DAB1: variants seen among roughly 807,000 people sequenced by gnomAD.
DAB1 encodes the protein DAB adaptor protein 1, also known as disabled homolog 1.
In DAB1, 15 loss-of-function variants were observed where a neutral mutation model predicts 64.6. That is an observed-to-expected ratio of 0.23 (90% CI 0.16 to 0.36). The LOEUF (loss-of-function observed/expected upper bound fraction) is 0.36, where lower values mean the gene tolerates loss of function less well. DAB1 is among the 10% of genes least tolerant of loss of function. The pLI, the probability that DAB1 is intolerant of heterozygous loss-of-function variation, is 1.00. For missense variants in DAB1, 596 were observed against 706.7 expected (o/e 0.84, Z 1.78); for synonymous variants, 235 against 251.9 (o/e 0.93, Z 0.64).
At chr1:57,787,169 A>G (rs1384780002) in intron 6 of DAB1, among the ~76,000 whole-genome samples, 1 of 152,226 alleles carries the variant, frequency 6.6e-6, no homozygotes. Flanking sequence ...GGCTAATTAT[A>G]AAATGTATAT....
chr1:57,056,514 A>G (rs953048546), intron 9 of DAB1, among the ~76,000 whole-genome samples: 2 of 151,144 alleles, frequency 1.3e-5, no homozygotes, highest in Non-Finnish European at 2.9e-5. Flanking sequence ...CAAAAAAAAA[A>G]AAAAAAGAAA....
At chr1:57,062,746 C>T (rs1650525198) in intron 9 of DAB1, 138 bp downstream of exon 9, 2 of 714,414 alleles carry the variant, frequency 2.8e-6, no homozygotes, top group Non-Finnish European at 4.7e-6. Flanking sequence ...TGAAGATGCC[C>T]CAGCATGCAG....
At chr1:57,817,280 A>C (rs1651909009) in intron 6 of DAB1, among the ~76,000 whole-genome samples, 1 of 152,234 alleles carries the variant, frequency 6.6e-6, no homozygotes, top group African/African-American at 2.4e-5. Context: ...AAAGATCCAA[A>C]GCATTGGTAA....
chr1:57,325,189 A>G (rs1220348312), intron 1 of DAB1, among the ~76,000 whole-genome samples: 1 of 152,254 alleles, frequency 6.6e-6, no homozygotes, highest in Non-Finnish European at 1.5e-5. Context: ...GAAGGCAGAC[A>G]GACCAGAGGG....
At chr1:57,315,572 G>A (rs1305560491) in intron 1 of DAB1, among the ~76,000 whole-genome samples, 2 of 152,034 alleles carry the variant, frequency 1.3e-5, no homozygotes, top group East Asian at 1.9e-4. Context: ...GTGCGATCTC[G>A]GCTCACTGAC....
chr1:57,939,694 G>A (rs765513289), intron 5 of DAB1, among the ~76,000 whole-genome samples: 11 of 152,162 alleles, frequency 7.2e-5, no homozygotes, highest in Admixed American at 6.5e-4. Context: ...AGCTTCTTGA[G>A]GATGTTGAAC....
chr1:58,280,362 A>G (rs959189916), intron 4 of DAB1, among the ~76,000 whole-genome samples: 16 of 152,214 alleles, frequency 1.1e-4, no homozygotes, highest in Non-Finnish European at 2.4e-4. Flanking sequence ...CATGGGGATC[A>G]TCAGAATGCA....
At chr1:57,688,546 C>T (rs12069793) in intron 6 of DAB1, among the ~76,000 whole-genome samples, 1,690 of 152,126 alleles carry the variant, frequency 0.011, 27 homozygotes, top group African/African-American at 0.039. Flanking sequence ...ACCATTTGAC[C>T]CAGCAATACC....
intron 5 of DAB1, among the ~76,000 whole-genome samples, chr1:58,027,727 T>A (rs1362829732): frequency 1.3e-5 from 2 of 152,132 alleles, no homozygotes; most frequent in African/African-American, 2.4e-5. Flanking sequence ...AATTTCTATC[T>A]TACAGGATCA....
chr1:57,027,740 T>A (rs954066554), intron 9 of DAB1, among the ~76,000 whole-genome samples: 2 of 152,210 alleles, frequency 1.3e-5, no homozygotes, highest in East Asian at 3.8e-4. Context: ...CTCTTTTTGC[T>A]GAAAGGAGAC....
At position 58,056,417 on chromosome 1, in the gene DAB1, G is replaced by A. The variant is rs149425277; in HGVS notation, n.387+94094C>T. 1,062 of 1,551,492 alleles carry A rather than the reference G, an allele frequency of 6.8e-4. 3 individuals carry two copies. The African/African-American group carries it at 0.011, about 16-fold the overall frequency. On this transcript the variant is annotated intron_variant and non_coding_transcript_variant, in intron 5 of 20. Transcript: ENST00000485760. ...ACGCATCGGGCACAGTTAGTGCAGC[G>A]AATAGGCTGCACGTGGCCGCGGCCC... is the stretch of plus-strand genomic sequence containing the variant.
At chr1:57,323,188 C>T (rs958557213) in intron 1 of DAB1, among the ~76,000 whole-genome samples, 11 of 152,046 alleles carry the variant, frequency 7.2e-5, no homozygotes, top group Non-Finnish European at 1.2e-4. Context: ...TGTATGTTGC[C>T]GGTTGAGCCC....
At chr1:58,500,239 A>T (rs1645884409) in intron 3 of DAB1, among the ~76,000 whole-genome samples, 1 of 152,100 alleles carries the variant, frequency 6.6e-6, no homozygotes, top group Admixed American at 6.6e-5. Context: ...CTGGCTTTAT[A>T]TGATTCAGAA....
At chr1:57,506,220 C>CT (rs1391350171) in intron 7 of DAB1, among the ~76,000 whole-genome samples, 1 of 151,388 alleles carries the variant, frequency 6.6e-6, no homozygotes, top group Admixed American at 6.6e-5. Context: ...GAAAGGGGAA[C>CT]TTTTTTTTTA....
At chr1:57,232,446 G>A (rs1450461319) in intron 2 of DAB1, among the ~76,000 whole-genome samples, 1 of 151,986 alleles carries the variant, frequency 6.6e-6, no homozygotes, top group Non-Finnish European at 1.5e-5. Flanking sequence ...ACTACCTGAA[G>A]GATATTCTGC....
At chr1:58,523,320 T>C (rs116226504) in intron 2 of DAB1, among the ~76,000 whole-genome samples, 386 of 152,368 alleles carry the variant, frequency 2.5e-3, no homozygotes, top group African/African-American at 9.0e-3. Context: ...AACAATTTAT[T>C]ATTTCAGGCT....
chr1:58,428,863 G>T (rs1404556081), intron 3 of DAB1, among the ~76,000 whole-genome samples: 2 of 152,094 alleles, frequency 1.3e-5, no homozygotes, highest in African/African-American at 4.8e-5. Context: ...AACACAAAAA[G>T]AATATACACA....
chr1:57,758,906 T>C (rs2101814435), intron 6 of DAB1, among the ~76,000 whole-genome samples: 1 of 152,340 alleles, frequency 6.6e-6, no homozygotes. Context: ...TCTGTTAGGA[T>C]TGCTCATATT....
intron 1 of DAB1, among the ~76,000 whole-genome samples, chr1:57,354,996 C>A (rs1329147222): frequency 6.6e-6 from 1 of 152,060 alleles, no homozygotes; most frequent in Non-Finnish European, 1.5e-5. Context: ...AAGGGCCACC[C>A]AAAACTGAGT....
Sources: allele counts gnomAD v4.1 joint callset (sites outside exome capture counted in the v4.1 genomes callset), GRCh38; gene constraint gnomAD v4.1.1; transcripts MANE v1.5; gene names NCBI Gene and HGNC (gene_info 2026-07-23, HGNC 2026-07-21).